NTRK2: variants seen among roughly 807,000 people sequenced by gnomAD.
NTRK2 encodes BDNF/NT-3 growth factors receptor.
In NTRK2, 13 loss-of-function variants were observed where a neutral mutation model predicts 94.5. The ratio of observed to expected loss-of-function variants is 0.14; its 90% CI spans 0.09 to 0.22. The LOEUF (loss-of-function observed/expected upper bound fraction) is 0.22. Among genes scored for constraint, NTRK2 ranks in the 10% least tolerant of loss-of-function variants. The probability of loss-of-function intolerance (pLI) is 1.00; values close to 1 mark genes in which losing one functional copy is unlikely to be tolerated. For synonymous variants in NTRK2, 372 were observed against 407.4 expected (o/e 0.91, Z 1.05); for missense variants, 639 against 1,071.2 (o/e 0.60, Z 5.63).
intron 14 of NTRK2, among the ~76,000 whole-genome samples, chr9:84,891,580 A>G (rs2076596728): frequency 6.6e-6 from 1 of 152,202 alleles, no homozygotes; most frequent in Non-Finnish European, 1.5e-5. Context: ...TAGGGAAGTA[A>G]GTGCCAGGAT....
At chr9:84,924,293 A>AAGAAAGAG (rs2077681598) in intron 14 of NTRK2, among the ~76,000 whole-genome samples, 1 of 146,610 alleles carries the variant, frequency 6.8e-6, no homozygotes, top group Non-Finnish European at 1.5e-5. Context: ...GAAAGAAAGA[A>AAGAAAGAG]AGAGGAAAAA....
chr9:84,725,273 G>A (rs533220442), intron 8 of NTRK2, among the ~76,000 whole-genome samples: 1 of 152,294 alleles, frequency 6.6e-6, no homozygotes, highest in East Asian at 1.9e-4. Flanking sequence ...TTGCTGGAGT[G>A]AATGATTGAA....
At chr9:84,783,839 G>T (rs536549483) in intron 12 of NTRK2, among the ~76,000 whole-genome samples, 2 of 152,040 alleles carry the variant, frequency 1.3e-5, no homozygotes, top group African/African-American at 4.8e-5. Flanking sequence ...CATGAAGGGG[G>T]CTAGGGAGTT....
At chr9:84,850,209 GA>G (rs1404156699) in intron 12 of NTRK2, among the ~76,000 whole-genome samples, 17 of 144,492 alleles carry the variant, frequency 1.2e-4, no homozygotes, top group Middle Eastern at 3.6e-3. Context: ...GTCTGGTGGG[GA>G]AAAAAAAAAC....
intron 12 of NTRK2, among the ~76,000 whole-genome samples, chr9:84,790,988 T>C (rs1259285976): frequency 6.6e-6 from 1 of 152,270 alleles, no homozygotes. Context: ...GCTTGCCTAG[T>C]AGTTCACATC....
At chr9:84,839,129 G>A (rs375996149) in intron 12 of NTRK2, among the ~76,000 whole-genome samples, 18 of 152,262 alleles carry the variant, frequency 1.2e-4, no homozygotes, top group African/African-American at 4.1e-4. Flanking sequence ...GTGGTTTGGT[G>A]GTCAACCTAA....
intron 12 of NTRK2, among the ~76,000 whole-genome samples, chr9:84,820,500 A>T (rs934262226): frequency 2.0e-5 from 3 of 152,122 alleles, no homozygotes; most frequent in African/African-American, 7.2e-5. Flanking sequence ...AAGTCTTACT[A>T]ATTCCGTGAA....
chr9:84,718,264 T>C (rs191573309), intron 6 of NTRK2, among the ~76,000 whole-genome samples: 6 of 152,306 alleles, frequency 3.9e-5, no homozygotes, highest in Non-Finnish European at 7.4e-5. Flanking sequence ...TCCTTCCAAG[T>C]GTGTTCTGTG....
intron 12 of NTRK2, chr9:84,815,249 A>T (rs1213232423): frequency 1.9e-6 from 2 of 1,055,218 alleles, no homozygotes; most frequent in African/African-American, 3.3e-5. Context: ...ATGAGTGAGC[A>T]CCCAGAATGT....
chr9:84,685,269 C>T (rs1031219294), intron 2 of NTRK2, among the ~76,000 whole-genome samples: 7 of 151,780 alleles, frequency 4.6e-5, no homozygotes, highest in Non-Finnish European at 1.0e-4. Flanking sequence ...GGCAGGACTA[C>T]CTTTGTGTTT....
intron 14 of NTRK2, among the ~76,000 whole-genome samples, chr9:84,930,203 A>G (rs953631391): frequency 1.3e-5 from 2 of 152,230 alleles, no homozygotes; most frequent in Admixed American, 6.5e-5. Context: ...ATGTCACACA[A>G]TCAGCCAAAC....
At chr9:84,939,066 A>AAAG (rs2078311420) in intron 15 of NTRK2, among the ~76,000 whole-genome samples, 1 of 150,182 alleles carries the variant, frequency 6.7e-6, no homozygotes, top group East Asian at 1.9e-4. Context: ...AAAAAAAAAA[A>AAAG]AAAAAGAAAA....
At chr9:84,709,289 T>C (rs750513026) in intron 5 of NTRK2, among the ~76,000 whole-genome samples, 6 of 152,234 alleles carry the variant, frequency 3.9e-5, no homozygotes, top group Non-Finnish European at 7.3e-5. Context: ...GCTGTATTCA[T>C]AATTGAAGCA....
chr9:84,811,976 G>C, intron 12 of NTRK2: 1 of 957,688 alleles, frequency 1.0e-6, no homozygotes, highest in Admixed American at 1.2e-4. Flanking sequence ...GCAGCATTTT[G>C]TTTGAAAACA....
intron 9 of NTRK2, 94 bp downstream of exon 9, chr9:84,728,053 T>C (rs2062584125): frequency 8.5e-7 from 1 of 1,181,334 alleles, no homozygotes; most frequent in African/African-American, 1.5e-5. Flanking sequence ...TCCCCCAACC[T>C]AGTGGCTTAA....
intron 14 of NTRK2, among the ~76,000 whole-genome samples, chr9:84,878,826 G>T (rs755047190): frequency 6.6e-6 from 1 of 152,050 alleles, no homozygotes; most frequent in African/African-American, 2.4e-5. Flanking sequence ...TTCTGGCCTG[G>T]ATCTTGTGTA....
At chr9:84,902,230 A>C (rs2076951746) in intron 14 of NTRK2, among the ~76,000 whole-genome samples, 2 of 151,732 alleles carry the variant, frequency 1.3e-5, no homozygotes, top group South Asian at 4.2e-4. Flanking sequence ...AAAAAAAAAG[A>C]CTGCCATCAA....
intron 8 of NTRK2, 81 bp downstream of exon 8, chr9:84,724,437 G>A (rs548000658): frequency 1.9e-6 from 3 of 1,547,792 alleles, no homozygotes; most frequent in South Asian, 2.2e-5. Flanking sequence ...CACTCTGGGT[G>A]CTGCTTAAAT....
Position 84,723,879 on chromosome 9 carries a change from C to T in NTRK2, c.720+170C>T, listed in dbSNP as rs76545282. Among the ~76,000 whole-genome samples, 596 of 152,300 alleles carry T rather than the reference C, an allele frequency of 3.9e-3. 9 individuals carry two copies. Among genetic ancestry groups the T allele is most frequent in the African/African-American group, 0.014 (570 of 41,564 alleles). ...TCTACTTATTCTTAATTAATAAAGA[C>T]TAATGCAGGCTTGCATTTTAGTTAT... On this transcript the variant is annotated intron_variant, in intron 7 of 18. Coordinates refer to ENST00000277120, the MANE Select transcript of NTRK2 (RefSeq NM_006180.6).
Sources: gnomAD v4.1 joint callset for allele counts (sites outside exome capture counted in the v4.1 genomes callset) on GRCh38, gnomAD v4.1.1 for gene constraint, MANE v1.5 for transcripts, NCBI Gene and HGNC (gene_info 2026-07-23, HGNC 2026-07-21) for gene names.